MYOM1: variants seen among roughly 807,000 people sequenced by gnomAD.
The protein encoded by MYOM1 is myomesin-1.
In MYOM1, 164 loss-of-function variants were observed where a neutral mutation model predicts 205.3. The observed-to-expected ratio is 0.80, with a 90% CI of 0.70 to 0.91. The LOEUF is 0.91. Ranked by LOEUF, MYOM1 falls within the 40% of genes least tolerant of loss-of-function variation. The probability of loss-of-function intolerance (pLI) is 0.00; values close to 1 mark genes in which losing one functional copy is unlikely to be tolerated. For synonymous variants in MYOM1, 772 were observed against 789.4 expected (o/e 0.98, Z 0.37); for missense variants, 2,011 against 2,127.3 (o/e 0.95, Z 1.08).
At position 3,173,814 on chromosome 18, in the gene MYOM1, A is replaced by G. The variant is rs11873066; in HGVS notation, c.1174+124T>C. On this transcript the variant is annotated intron_variant, in intron 8 of 37. Transcript: ENST00000356443. ...GTAAATAAAATAACCACAGGTACCT[A>G]CTACATCCAACCTAGCATATACTAT... is the stretch of plus-strand genomic sequence containing the variant. The G allele has an allele frequency of 5.0e-3, 4,165 of 833,542 alleles. 76 individuals are homozygous for G. The African/African-American group carries it at 0.053, about 11-fold the overall frequency. 51.6% of individuals were successfully genotyped at this position (833,542 alleles called of 1,614,324 possible).
At chr18:3,187,427 G>A in intron 5 of MYOM1, 53 bp downstream of exon 5, 1 of 1,579,768 alleles carries the variant, frequency 6.3e-7, no homozygotes, top group Non-Finnish European at 8.7e-7. Context: ...TCCACTAGAG[G>A]CGAACTTAAC....
intron 2 of MYOM1, among the ~76,000 whole-genome samples, chr18:3,197,243 T>C (rs2081001042): frequency 6.6e-6 from 1 of 151,766 alleles, no homozygotes; most frequent in African/African-American, 2.4e-5. Flanking sequence ...TTCAAACAAT[T>C]CTCCTGCCTC....
chr18:3,106,883 C>A (rs2079458610), intron 22 of MYOM1, among the ~76,000 whole-genome samples: 1 of 152,112 alleles, frequency 6.6e-6, no homozygotes, highest in African/African-American at 2.4e-5. Flanking sequence ...TAAGGATTAG[C>A]TGTAATATCA....
chr18:3,137,846 G>A (rs1305243867), intron 14 of MYOM1, among the ~76,000 whole-genome samples: 3 of 152,096 alleles, frequency 2.0e-5, no homozygotes, highest in African/African-American at 7.2e-5. Context: ...AAATGTTTGA[G>A]GTGATGGGTA....
At position 3,155,586 on chromosome 18, in the gene MYOM1, T is replaced by C. The variant is rs115690933; in HGVS notation, c.1502-498A>G. ...TTTTTCACCTTCAGCAGGAAGAACA[T>C]TGTGTCAGAAAATAGAAAGTGCTCT... On this transcript the variant is annotated intron_variant, in intron 10 of 37. Transcript: ENST00000356443. 4.1e-3 allele frequency among the ~76,000 whole-genome samples: 628 copies of C among 152,292 alleles called. 4 individuals are homozygous for C. Among genetic ancestry groups the C allele is most frequent in the African/African-American group, 0.014 (569 of 41,564 alleles).
chr18:3,069,429 C>T (rs1183943737), intron 37 of MYOM1, among the ~76,000 whole-genome samples: 1 of 152,162 alleles, frequency 6.6e-6, no homozygotes, highest in Non-Finnish European at 1.5e-5. Context: ...ATCTACATAG[C>T]TTTCTAAAGG....
intron 2 of MYOM1, among the ~76,000 whole-genome samples, chr18:3,210,536 A>C (rs1419474531): frequency 9.9e-5 from 15 of 152,138 alleles, no homozygotes; most frequent in Admixed American, 7.9e-4. Context: ...TAGTGGGTTA[A>C]AGTGTCTGTA....
At chr18:3,171,807 T>C (rs956142561) in intron 8 of MYOM1, among the ~76,000 whole-genome samples, 1 of 152,232 alleles carries the variant, frequency 6.6e-6, no homozygotes, top group African/African-American at 2.4e-5. Context: ...ATTCTCCTAC[T>C]GTTACGGCTG....
Position 3,084,244 on chromosome 18 carries a change from G to A in MYOM1, c.4340-217C>T, listed in dbSNP as rs117612190. On this transcript the variant is annotated intron_variant, in intron 31 of 37. Transcript: ENST00000356443. ...TGCTTATTTTGATTTTTTTTCCCTTGAATTCTTTGTCACAATCGCCATATT... is the reference window on the plus strand; with the variant it reads ...TGCTTATTTTGATTTTTTTTCCCTTAAATTCTTTGTCACAATCGCCATATT... Among the ~76,000 whole-genome samples the A allele has an allele frequency of 5.6e-4, 85 of 152,070 alleles. No individual in the cohort carries two copies. The East Asian group carries it at 0.015, about 28-fold the overall frequency.
chr18:3,127,386 G>A (rs1371364900), intron 18 of MYOM1, among the ~76,000 whole-genome samples: 1 of 139,798 alleles, frequency 7.2e-6, no homozygotes, highest in East Asian at 2.1e-4. Context: ...TTGGCTCAAT[G>A]CAACTTCCGT....
intron 22 of MYOM1, among the ~76,000 whole-genome samples, chr18:3,111,554 G>T (rs930535438): frequency 6.6e-6 from 1 of 152,136 alleles, no homozygotes. Context: ...TTTTGCAAGG[G>T]CTGCAAGCTA....
upstream of MYOM1, among the ~76,000 whole-genome samples, chr18:3,224,639 A>G (rs554171550): frequency 4.6e-5 from 7 of 152,208 alleles, no homozygotes; most frequent in African/African-American, 1.7e-4. Flanking sequence ...TGCTCCACTC[A>G]TGGTTATGGA....
intron 33 of MYOM1, among the ~76,000 whole-genome samples, chr18:3,080,330 T>C (rs2079070032): frequency 6.6e-6 from 1 of 152,170 alleles, no homozygotes; most frequent in Non-Finnish European, 1.5e-5. Context: ...GAAACAAGCA[T>C]GTCTTACGTC....
the MYOM1 span, among the ~76,000 whole-genome samples, chr18:3,237,721 C>T: frequency 6.6e-6 from 1 of 151,784 alleles, no homozygotes; most frequent in Non-Finnish European, 1.5e-5. Context: ...CTTATGATTC[C>T]ATAACTTACA....
At chr18:3,182,935 T>C (rs955611921) in intron 5 of MYOM1, among the ~76,000 whole-genome samples, 15 of 135,204 alleles carry the variant, frequency 1.1e-4, no homozygotes, top group Non-Finnish European at 2.2e-4. Context: ...TTTTTTTTTT[T>C]TTTTTTTGAG....
At chr18:3,082,378 G>A (rs544024677) in intron 33 of MYOM1, among the ~76,000 whole-genome samples, 22 of 152,106 alleles carry the variant, frequency 1.4e-4, no homozygotes, top group African/African-American at 4.8e-4. Context: ...ACCTTAGGCC[G>A]GTCACCTCCC....
intron 9 of MYOM1, among the ~76,000 whole-genome samples, chr18:3,166,640 CTCTCCGTGCCT>C (rs1348363402): frequency 1.3e-5 from 2 of 152,096 alleles, no homozygotes; most frequent in Non-Finnish European, 2.9e-5. Flanking sequence ...ATTACTTAAC[CTCTCCGTGCCT>C]TTGTTTTTTT....
intron 22 of MYOM1, 61 bp downstream of exon 22, chr18:3,112,237 G>A (rs904589299): frequency 1.4e-5 from 20 of 1,401,278 alleles, no homozygotes; most frequent in South Asian, 9.8e-5. Context: ...CAGAAAGGCC[G>A]AACCTTAGTT....
intron 19 of MYOM1, among the ~76,000 whole-genome samples, chr18:3,125,496 G>T (rs1006709086): frequency 6.7e-6 from 1 of 149,816 alleles, no homozygotes; most frequent in Non-Finnish European, 1.5e-5. Flanking sequence ...GCTCACGCTT[G>T]TAATCCCAGC....
Sources: gnomAD v4.1 joint callset for allele counts (sites outside exome capture counted in the v4.1 genomes callset) on GRCh38, gnomAD v4.1.1 for gene constraint, MANE v1.5 for transcripts, NCBI Gene and HGNC (gene_info 2026-07-23, HGNC 2026-07-21) for gene names.